Variants in KIAA1328 observed in about 807,000 individuals in gnomAD.
KIAA1328 encodes protein hinderin.
Under a neutral mutation model 68.1 loss-of-function variants are expected in KIAA1328, and 52 were observed. That is an observed-to-expected ratio of 0.76 (90% confidence interval 0.61 to 0.96). The LOEUF (loss-of-function observed/expected upper bound fraction) is 0.96. KIAA1328 is among the 40% of genes least tolerant of loss of function. KIAA1328 has a pLI of 0.00. For synonymous variants in KIAA1328, 232 were observed against 239.4 expected (o/e 0.97, Z 0.28); for missense variants, 641 against 677.6 (o/e 0.95, Z 0.60).
intron 9 of KIAA1328, among the ~76,000 whole-genome samples, chr18:37,200,628 G>A (rs2060091267): frequency 6.6e-6 from 1 of 151,828 alleles, no homozygotes; most frequent in African/African-American, 2.4e-5. Flanking sequence ...TGGCTAACAA[G>A]GTGAAACCCC....
At chr18:37,119,900 C>T (rs1332470504) in intron 7 of KIAA1328, among the ~76,000 whole-genome samples, 1 of 152,016 alleles carries the variant, frequency 6.6e-6, no homozygotes, top group Non-Finnish European at 1.5e-5. Context: ...ATACCATTCT[C>T]CAATAAAAGA....
chr18:36,873,206 C>T (rs1308113404), intron 4 of KIAA1328, among the ~76,000 whole-genome samples: 3 of 152,060 alleles, frequency 2.0e-5, no homozygotes, highest in Non-Finnish European at 2.9e-5. Flanking sequence ...ACTATAAGCA[C>T]CAAAAAGAAA....
chr18:36,932,926 T>C (rs1217085724), intron 5 of KIAA1328, among the ~76,000 whole-genome samples: 3 of 152,204 alleles, frequency 2.0e-5, no homozygotes, highest in Non-Finnish European at 4.4e-5. Flanking sequence ...CAGGAAAGTT[T>C]ACAATTAGCG....
intron 4 of KIAA1328, among the ~76,000 whole-genome samples, chr18:36,864,371 G>A (rs1419124237): frequency 2.3e-4 from 35 of 149,340 alleles, no homozygotes; most frequent in Non-Finnish European, 4.0e-4. Flanking sequence ...GCACAATCTC[G>A]GCTCACTGCA....
intron 5 of KIAA1328, chr18:36,895,619 G>T (rs946086375): frequency 1.2e-5 from 4 of 341,606 alleles, no homozygotes; most frequent in East Asian, 8.2e-5. Flanking sequence ...CAGCCCCTTT[G>T]CCTGCTATTC....
chr18:37,035,905 T>C (rs182006265), intron 6 of KIAA1328, among the ~76,000 whole-genome samples: 79 of 152,346 alleles, frequency 5.2e-4, no homozygotes, highest in African/African-American at 1.9e-3. Context: ...TTTTTTTCTC[T>C]CTCTCCTTTC....
At chr18:36,977,768 TTTTTATTTTA>T (rs758822898) in intron 6 of KIAA1328, among the ~76,000 whole-genome samples, 4 of 151,912 alleles carry the variant, frequency 2.6e-5, no homozygotes, top group Admixed American at 2.6e-4. Flanking sequence ...CTGTGAAGGT[TTTTTATTTTA>T]TTTTATTTTA....
At chr18:37,021,736 T>C (rs1007630257) in intron 6 of KIAA1328, among the ~76,000 whole-genome samples, 1 of 152,090 alleles carries the variant, frequency 6.6e-6, no homozygotes, top group East Asian at 1.9e-4. Flanking sequence ...CTTTTTTCTC[T>C]TTTCTTTCTT....
chr18:37,083,109 T>G (rs1021499754), intron 7 of KIAA1328, among the ~76,000 whole-genome samples: 1 of 152,172 alleles, frequency 6.6e-6, no homozygotes, highest in African/African-American at 2.4e-5. Flanking sequence ...ATATATAAAA[T>G]GTACTCCTTG....
intron 7 of KIAA1328, among the ~76,000 whole-genome samples, chr18:37,151,847 A>G (rs757439700): frequency 2.8e-4 from 43 of 152,272 alleles, no homozygotes; most frequent in South Asian, 2.1e-3. Flanking sequence ...TAGGCATAGA[A>G]TATCAGAACT....
Position 36,918,268 on chromosome 18 carries a change from C to T in KIAA1328, c.448+32596C>T, listed in dbSNP as rs116541630. On this transcript the variant is annotated intron_variant, in intron 5 of 9. Coordinates refer to ENST00000280020, the MANE Select transcript of KIAA1328 (RefSeq NM_020776.3). ...TTATATTCAAAAAGCCTTCTTTTGA[C>T]GTTCTTACTTTTCCTTCATGTTTGT... is the stretch of plus-strand genomic sequence containing the variant. 5.9e-3 allele frequency among the ~76,000 whole-genome samples: 897 copies of T among 151,810 alleles called. 11 individuals carry two copies. Among genetic ancestry groups the T allele is most frequent in the African/African-American group, 0.02 (830 of 41,398 alleles).
chr18:36,881,822 T>A (rs944285090), intron 4 of KIAA1328, among the ~76,000 whole-genome samples: 1 of 152,244 alleles, frequency 6.6e-6, no homozygotes, highest in Non-Finnish European at 1.5e-5. Context: ...TAACTTTCCA[T>A]TGTATAGACA....
chr18:37,067,705 G>T (rs563076052), intron 7 of KIAA1328, among the ~76,000 whole-genome samples, 160 bp downstream of exon 7: 2 of 151,830 alleles, frequency 1.3e-5, no homozygotes, highest in Non-Finnish European at 2.9e-5. Context: ...GATTACAGGC[G>T]CCCGCCACCA....
chr18:37,183,769 A>G (rs2059742271), intron 9 of KIAA1328, among the ~76,000 whole-genome samples: 1 of 152,224 alleles, frequency 6.6e-6, no homozygotes, highest in Non-Finnish European at 1.5e-5. Flanking sequence ...GTATGGACCC[A>G]TCTTCTGTGA....
chr18:36,927,866 AAAG>A (rs1260352185), intron 5 of KIAA1328, among the ~76,000 whole-genome samples: 2 of 152,126 alleles, frequency 1.3e-5, no homozygotes, highest in Non-Finnish European at 2.9e-5. Context: ...ACAAGGAAAG[AAAG>A]AAAGAGAAAA....
chr18:37,192,369 A>T (rs2059922836), intron 9 of KIAA1328, among the ~76,000 whole-genome samples: 1 of 152,194 alleles, frequency 6.6e-6, no homozygotes, highest in African/African-American at 2.4e-5. Context: ...AACTGCACTG[A>T]TGAATTATTT....
intron 9 of KIAA1328, among the ~76,000 whole-genome samples, chr18:37,214,230 T>A (rs1342792139): frequency 3.9e-5 from 6 of 152,232 alleles, no homozygotes; most frequent in Admixed American, 3.3e-4. Flanking sequence ...TGCGAATGCC[T>A]ATGTCCTGTA....
At chr18:37,057,594 ATT>A (rs111768411) in intron 6 of KIAA1328, among the ~76,000 whole-genome samples, 4 of 142,618 alleles carry the variant, frequency 2.8e-5, no homozygotes. Context: ...CATCTGGCTA[ATT>A]TTTTTTTTTT....
At chr18:37,201,372 G>A (rs1180637002) in intron 9 of KIAA1328, among the ~76,000 whole-genome samples, 1 of 152,034 alleles carries the variant, frequency 6.6e-6, no homozygotes, top group Non-Finnish European at 1.5e-5. Context: ...CTAGAGACTT[G>A]TAGCCAGGAA....
Sources: allele counts gnomAD v4.1 joint callset (sites outside exome capture counted in the v4.1 genomes callset), GRCh38; gene constraint gnomAD v4.1.1; transcripts MANE v1.5; gene names NCBI Gene and HGNC (gene_info 2026-07-23, HGNC 2026-07-21).